The following PRIM2 variants were observed in gnomAD, a reference collection of about 807,000 sequenced individuals.
The protein encoded by PRIM2 is DNA primase large subunit.
A neutral mutation model predicts 67.3 loss-of-function variants in PRIM2; 39 were observed. That is an observed-to-expected ratio of 0.58 (90% CI 0.45 to 0.76). The LOEUF is 0.76. Ranked by LOEUF, PRIM2 falls within the 30% of genes least tolerant of loss-of-function variation. The probability of loss-of-function intolerance (pLI) is 0.00; values close to 1 mark genes in which losing one functional copy is unlikely to be tolerated. For missense variants in PRIM2, 398 were observed against 598.7 expected, an observed-to-expected ratio of 0.66 and a Z score of 3.50; for synonymous variants, 143 against 198.7, an observed-to-expected ratio of 0.72 and a Z score of 2.36.
chr6:57,331,837 T>A lies in PRIM2; in HGVS notation c.459+5792T>A, dbSNP rs371210250. On this transcript the variant is annotated intron_variant, in intron 5 of 13. Coordinates refer to ENST00000615550, the MANE Select transcript of PRIM2 (RefSeq NM_000947.5). ...AGGTTTGTCAGTGTTACTGGATTTG[T>A]TCAAAGAACCAACTTTTGGTTTCAT... is the stretch of plus-strand genomic sequence containing the variant. 1.1e-4 allele frequency among the ~76,000 whole-genome samples: 16 copies of A among 152,146 alleles called. No homozygotes were observed. In the East Asian group the frequency reaches 1.4e-3, roughly 13 times the overall value.
At chr6:57,271,494 T>C in the PRIM2 span, among the ~76,000 whole-genome samples, 1 of 152,240 alleles carries the variant, frequency 6.6e-6, no homozygotes, top group Non-Finnish European at 1.5e-5. Flanking sequence ...CCATTTTGTA[T>C]TCCGTCTATT....
At chr6:57,592,294 A>C (rs1316639084) in intron 10 of PRIM2, among the ~76,000 whole-genome samples, 2 of 152,224 alleles carry the variant, frequency 1.3e-5, no homozygotes, top group Non-Finnish European at 2.9e-5. Context: ...ACAAACCTGC[A>C]TGTGTAATAA....
chr6:57,544,342 G>A (rs1342752223), intron 10 of PRIM2, among the ~76,000 whole-genome samples: 4,927 of 152,192 alleles, frequency 0.032, 256 homozygotes, highest in African/African-American at 0.11. Flanking sequence ...GGGGTTTGGC[G>A]TGTTTCTGGT....
intron 7 of PRIM2, among the ~76,000 whole-genome samples, chr6:57,397,258 T>C (rs1770546256): frequency 1.3e-5 from 2 of 152,220 alleles, no homozygotes; most frequent in South Asian, 4.1e-4. Flanking sequence ...TCCCCAAATA[T>C]GTTTCCCAAG....
At chr6:57,376,629 A>G (rs9475904) in intron 5 of PRIM2, among the ~76,000 whole-genome samples, 1 of 152,166 alleles carries the variant, frequency 6.6e-6, no homozygotes, top group South Asian at 2.1e-4. Context: ...TATTGAATCT[A>G]TAGGTTAATT....
chr6:57,251,487 T>C, the PRIM2 span, among the ~76,000 whole-genome samples: 2 of 152,240 alleles, frequency 1.3e-5, no homozygotes, highest in African/African-American at 4.8e-5. Flanking sequence ...CCTAGGTTTT[T>C]GACTCTTCTG....
At chr6:57,269,511 T>C in the PRIM2 span, among the ~76,000 whole-genome samples, 420 of 152,362 alleles carry the variant, frequency 2.8e-3, no homozygotes, top group Non-Finnish European at 2.9e-3. Flanking sequence ...TTTGAGTTCA[T>C]TGTAGATTCT....
chr6:57,549,389 A>G, intron 10 of PRIM2, among the ~76,000 whole-genome samples: 1 of 152,074 alleles, frequency 6.6e-6, no homozygotes, highest in Middle Eastern at 3.2e-3. Flanking sequence ...TTTTATTCCA[A>G]ACCCTGAACT....
intron 7 of PRIM2, among the ~76,000 whole-genome samples, chr6:57,410,208 C>T (rs1428144010): frequency 1.3e-5 from 2 of 151,616 alleles, no homozygotes; most frequent in African/African-American, 4.8e-5. Flanking sequence ...CCTGTAATCC[C>T]AGCTACTCAG....
intron 10 of PRIM2, among the ~76,000 whole-genome samples, chr6:57,569,800 G>T (rs1775826560): frequency 6.6e-6 from 1 of 151,658 alleles, no homozygotes; most frequent in Non-Finnish European, 1.5e-5. Context: ...AGGCTGGAGT[G>T]TAGTGGCACG....
chr6:57,590,649 T>C (rs1259812484), intron 10 of PRIM2, among the ~76,000 whole-genome samples: 2 of 152,156 alleles, frequency 1.3e-5, no homozygotes, highest in Non-Finnish European at 2.9e-5. Flanking sequence ...GTGATCTCAA[T>C]ATCTGGGGGG....
At chr6:57,407,718 T>C (rs1303995064) in intron 7 of PRIM2, among the ~76,000 whole-genome samples, 2 of 152,242 alleles carry the variant, frequency 1.3e-5, no homozygotes, top group Admixed American at 1.3e-4. Context: ...TTCAATTTCA[T>C]GTGGCATTAA....
rs1291019664 is a variant in PRIM2 at position 57,593,549 on chromosome 6, C to T, written c.1021-7544C>T. Among the ~76,000 whole-genome samples, 32 of 152,294 alleles carry T rather than the reference C, an allele frequency of 2.1e-4. No individual in the cohort carries two copies. In the East Asian group the frequency reaches 5.4e-3, roughly 26 times the overall value. On this transcript the variant is annotated intron_variant, in intron 10 of 13. Coordinates refer to ENST00000615550, the MANE Select transcript of PRIM2 (RefSeq NM_000947.5). ...AACTCCTGACCTCAAGTGATCCATC[C>T]GCCTCGGCCTCCCAAAGTACTGGCG...
Position 57,403,139 on chromosome 6 carries a change from G to A in PRIM2, c.693+20971G>A, listed in dbSNP as rs373225747. On this transcript the variant is annotated intron_variant, in intron 7 of 13. Coordinates refer to ENST00000615550, the MANE Select transcript of PRIM2 (RefSeq NM_000947.5). ...AGTGAAATATTTTAGGTTTTTGATA[G>A]AACTGGTTTCATTCATTACAGAAGT... Among the ~76,000 whole-genome samples the A allele has an allele frequency of 5.6e-4, 85 of 152,130 alleles. No homozygotes were observed. In the Middle Eastern group the frequency reaches 0.024, roughly 43 times the overall value.
intron 7 of PRIM2, among the ~76,000 whole-genome samples, chr6:57,504,482 T>C (rs1450474846): frequency 9.8e-5 from 15 of 152,324 alleles, no homozygotes; most frequent in African/African-American, 3.6e-4. Context: ...AGTGTGCTAA[T>C]ATAGTTTTAA....
the PRIM2 span, among the ~76,000 whole-genome samples, chr6:57,263,772 A>G: frequency 6.6e-6 from 1 of 152,278 alleles, no homozygotes; most frequent in South Asian, 2.1e-4. Flanking sequence ...ATAGTAATCT[A>G]TCTTTTATCT....
chr6:57,269,984 G>T, the PRIM2 span, among the ~76,000 whole-genome samples: 2 of 151,920 alleles, frequency 1.3e-5, no homozygotes, highest in Non-Finnish European at 2.9e-5. Context: ...TGTTCCATTG[G>T]TCTATATATC....
intron 10 of PRIM2, among the ~76,000 whole-genome samples, chr6:57,555,004 A>C (rs1429330222): frequency 6.6e-6 from 1 of 152,242 alleles, no homozygotes; most frequent in Non-Finnish European, 1.5e-5. Flanking sequence ...GATAAACCAA[A>C]GTTCTAAAAG....
At chr6:57,637,160 A>G (rs1223147376) in intron 13 of PRIM2, among the ~76,000 whole-genome samples, 1 of 152,202 alleles carries the variant, frequency 6.6e-6, no homozygotes, top group Non-Finnish European at 1.5e-5. Flanking sequence ...CCTGCAGCAG[A>G]AGGGTCTAAC....
Sources: gnomAD v4.1 joint callset for allele counts (sites outside exome capture counted in the v4.1 genomes callset) on GRCh38, gnomAD v4.1.1 for gene constraint, MANE v1.5 for transcripts, NCBI Gene and HGNC (gene_info 2026-07-23, HGNC 2026-07-21) for gene names.